The following CADM2 variants were observed in gnomAD, a reference collection of about 807,000 sequenced individuals.
CADM2 encodes immunoglobulin superfamily member 4D.
In CADM2, 12 loss-of-function variants were observed where a neutral mutation model predicts 49.8. That is an observed-to-expected ratio of 0.24 (90% CI 0.15 to 0.39). The LOEUF is 0.39. Ranked by LOEUF, CADM2 falls within the 10% of genes least tolerant of loss-of-function variation. The pLI is 1.00. For missense variants in CADM2, 378 were observed against 492.3 expected (o/e 0.77, Z 2.20); for synonymous variants, 214 against 175.4 (o/e 1.22, Z -1.74).
chr3:85,076,494 C>T (rs376089580), intron 1 of CADM2, among the ~76,000 whole-genome samples: 8 of 151,898 alleles, frequency 5.3e-5, no homozygotes, highest in East Asian at 2.0e-4. Context: ...ATTACAGGTG[C>T]GTGCCACCAC....
intron 8 of CADM2, among the ~76,000 whole-genome samples, chr3:85,980,243 A>T (rs146807073): frequency 6.6e-6 from 1 of 151,468 alleles, no homozygotes. Flanking sequence ...ATATTATTAT[A>T]TTTAATTCAG....
chr3:85,543,371 C>T (rs2061588942), intron 1 of CADM2, among the ~76,000 whole-genome samples: 1 of 146,124 alleles, frequency 6.8e-6, no homozygotes, highest in Non-Finnish European at 1.5e-5. Flanking sequence ...TCTCCTGCCT[C>T]AGCCTCCCAA....
chr3:86,015,992 G>A (rs774281804), intron 8 of CADM2, among the ~76,000 whole-genome samples: 1 of 151,966 alleles, frequency 6.6e-6, no homozygotes, highest in Non-Finnish European at 1.5e-5. Context: ...AATCCATTTT[G>A]TATAGTTTAT....
chr3:85,330,280 A>G (rs2044880066), intron 1 of CADM2, among the ~76,000 whole-genome samples: 1 of 152,148 alleles, frequency 6.6e-6, no homozygotes, highest in Admixed American at 6.5e-5. Context: ...GAAATGTTGA[A>G]CTGGATGAGT....
intron 1 of CADM2, among the ~76,000 whole-genome samples, chr3:85,554,399 C>T (rs1230360632): frequency 6.6e-6 from 1 of 152,092 alleles, no homozygotes; most frequent in East Asian, 1.9e-4. Context: ...GGACCAGTAC[C>T]GGTTGGCGGC....
rs566657094 is a variant in CADM2, at chr3:85,073,489, C to A, written c.61+113821C>A. Reference sequence around the variant, plus strand: ...AAATAATTTGTTAAAAAGATAAAACCAAAACATAACTCTTACTGTTCTTTC... The same window carrying A: ...AAATAATTTGTTAAAAAGATAAAACAAAAACATAACTCTTACTGTTCTTTC... On this transcript the variant is annotated intron_variant, in intron 1 of 9. Coordinates refer to ENST00000383699, the MANE Select transcript of CADM2 (RefSeq NM_001167675.2). Among the ~76,000 whole-genome samples the A allele has an allele frequency of 4.6e-5, 7 of 152,026 alleles. No individual in the cohort carries two copies. In the South Asian group the frequency reaches 1.5e-3, roughly 32 times the overall value.
chr3:85,923,522 T>C (rs1034674617), intron 6 of CADM2, among the ~76,000 whole-genome samples: 5 of 141,736 alleles, frequency 3.5e-5, no homozygotes, highest in Admixed American at 7.5e-5. Flanking sequence ...GAGTTCTCAA[T>C]TGATATCATG....
At chr3:85,897,285 C>T (rs1473586802) in intron 5 of CADM2, among the ~76,000 whole-genome samples, 1 of 60,326 alleles carries the variant, frequency 1.7e-5, no homozygotes, top group Non-Finnish European at 2.9e-5. Context: ...TTTTTTGAGA[C>T]GGAGTCTCGC....
chr3:85,891,294 A>G (rs1166667326), intron 5 of CADM2, among the ~76,000 whole-genome samples: 10 of 152,182 alleles, frequency 6.6e-5, no homozygotes, highest in Non-Finnish European at 1.2e-4. Context: ...TTGTCATTCC[A>G]TGTATAAGTT....
chr3:85,649,358 A>G (rs1237359352), intron 1 of CADM2, among the ~76,000 whole-genome samples: 1 of 152,178 alleles, frequency 6.6e-6, no homozygotes, highest in Admixed American at 6.5e-5. Flanking sequence ...TAATTATTTT[A>G]TAGAACAGAA....
At chr3:85,556,806 C>T (rs2107152785) in intron 1 of CADM2, among the ~76,000 whole-genome samples, 1 of 152,240 alleles carries the variant, frequency 6.6e-6, no homozygotes, top group East Asian at 1.9e-4. Context: ...TGTTGATTTA[C>T]AAATCAGGAC....
intron 1 of CADM2, among the ~76,000 whole-genome samples, chr3:85,521,960 G>T (rs1484456226): frequency 6.6e-6 from 1 of 152,064 alleles, no homozygotes; most frequent in Non-Finnish European, 1.5e-5. Context: ...CGCTTTTCTG[G>T]GGCGTGCTAG....
At chr3:85,914,570 CTACT>C in intron 6 of CADM2, among the ~76,000 whole-genome samples, 2 of 152,168 alleles carry the variant, frequency 1.3e-5, no homozygotes, top group South Asian at 4.2e-4. Flanking sequence ...TAATAATTGA[CTACT>C]TAGTTAACGG....
At chr3:84,994,989 C>T (rs1157176016) in intron 1 of CADM2, among the ~76,000 whole-genome samples, 1 of 151,920 alleles carries the variant, frequency 6.6e-6, no homozygotes, top group Non-Finnish European at 1.5e-5. Context: ...GAAATTGAAC[C>T]GTTGCACTCC....
intron 1 of CADM2, among the ~76,000 whole-genome samples, chr3:85,558,668 CTAACT>C (rs796546580): frequency 6.6e-6 from 1 of 152,012 alleles, no homozygotes; most frequent in East Asian, 1.9e-4. Context: ...TTTTTATTAC[CTAACT>C]TGAGTCAATA....
intron 1 of CADM2, among the ~76,000 whole-genome samples, chr3:85,007,693 C>T (rs375289086): frequency 6.6e-6 from 1 of 152,148 alleles, no homozygotes; most frequent in Non-Finnish European, 1.5e-5. Flanking sequence ...AAAAATACCA[C>T]AATGCGTTTA....
chr3:85,101,604 T>G (rs1411541813), intron 1 of CADM2, among the ~76,000 whole-genome samples: 1 of 152,214 alleles, frequency 6.6e-6, no homozygotes, highest in Non-Finnish European at 1.5e-5. Flanking sequence ...GGTAATTCAT[T>G]TGTCTAATCA....
intron 1 of CADM2, among the ~76,000 whole-genome samples, chr3:85,199,803 A>T (rs748597924): frequency 6.6e-6 from 1 of 152,058 alleles, no homozygotes; most frequent in Admixed American, 6.6e-5. Context: ...AATCTTAAAA[A>T]GTCCGAGTTA....
At chr3:85,058,150 A>C (rs566977869) in intron 1 of CADM2, among the ~76,000 whole-genome samples, 1 of 152,312 alleles carries the variant, frequency 6.6e-6, no homozygotes, top group South Asian at 2.1e-4. Context: ...AAGTTATTTT[A>C]CTATAAATCT....
Sources: gnomAD v4.1 joint callset for allele counts (sites outside exome capture counted in the v4.1 genomes callset) on GRCh38, gnomAD v4.1.1 for gene constraint, MANE v1.5 for transcripts, NCBI Gene and HGNC (gene_info 2026-07-23, HGNC 2026-07-21) for gene names.